ACYP2: variants seen among roughly 807,000 people sequenced by gnomAD.
ACYP2 encodes acylphosphatase-2.
A neutral mutation model predicts 11.2 loss-of-function variants in ACYP2; 12 were observed. The ratio of observed to expected loss-of-function variants is 1.08; its 90% CI spans 0.69 to 1.74. The LOEUF is 1.74. Ranked by LOEUF, ACYP2 falls within the 40% of genes most tolerant of loss-of-function variation. The pLI is 0.00. For synonymous variants in ACYP2, 43 were observed against 32.2 expected, an observed-to-expected ratio of 1.33 and a Z score of -1.13; for missense variants, 134 against 101.9, an observed-to-expected ratio of 1.31 and a Z score of -1.35.
At chr2:54,029,495 C>T in intron 2 of ACYP2, 1 of 371,224 alleles carries the variant, frequency 2.7e-6, no homozygotes, top group Non-Finnish European at 5.2e-6. Flanking sequence ...TGCATGAATT[C>T]ATAGGGAAGT....
intron 6 of ACYP2, among the ~76,000 whole-genome samples, chr2:54,288,427 G>T (rs1689169721): frequency 6.6e-6 from 1 of 151,920 alleles, no homozygotes; most frequent in Admixed American, 6.5e-5. Flanking sequence ...AGTGCTTCCT[G>T]GGGAAAAGGA....
At chr2:54,113,732 G>C (rs529515953) in intron 4 of ACYP2, among the ~76,000 whole-genome samples, 1 of 152,266 alleles carries the variant, frequency 6.6e-6, no homozygotes, top group South Asian at 2.1e-4. Flanking sequence ...AGGCATTCCA[G>C]ATAGAGTAGA....
At chr2:54,242,941 T>G (rs577501380) in intron 6 of ACYP2, among the ~76,000 whole-genome samples, 3 of 152,222 alleles carry the variant, frequency 2.0e-5, no homozygotes, top group Non-Finnish European at 4.4e-5. Context: ...TTAGCACCCT[T>G]TAGCAAACTC....
chr2:54,169,103 C>A (rs1199021771), intron 6 of ACYP2, among the ~76,000 whole-genome samples: 1 of 152,182 alleles, frequency 6.6e-6, no homozygotes, highest in Non-Finnish European at 1.5e-5. Flanking sequence ...GTATGTTAGA[C>A]TTATCGCTTA....
At chr2:53,983,514 AAAG>A (rs1671867856) in intron 2 of ACYP2, among the ~76,000 whole-genome samples, 1 of 152,178 alleles carries the variant, frequency 6.6e-6, no homozygotes, top group Non-Finnish European at 1.5e-5. Context: ...TCAAAAAAGA[AAAG>A]AAAACAGTAC....
At chr2:53,976,069 A>G (rs1381553974) in intron 2 of ACYP2, among the ~76,000 whole-genome samples, 1 of 152,210 alleles carries the variant, frequency 6.6e-6, no homozygotes, top group Non-Finnish European at 1.5e-5. Context: ...TGGAACACTA[A>G]TTAATCACTT....
At chr2:54,219,881 G>GTATATA (rs869248101) in intron 6 of ACYP2, among the ~76,000 whole-genome samples, 1 of 99,472 alleles carries the variant, frequency 1.0e-5, no homozygotes, top group Non-Finnish European at 1.9e-5. Context: ...GTGTGTGTGT[G>GTATATA]TATATATATA....
chr2:54,107,681 T>G (rs2103712471), intron 4 of ACYP2, among the ~76,000 whole-genome samples: 1 of 152,332 alleles, frequency 6.6e-6, no homozygotes, highest in Non-Finnish European at 1.5e-5. Flanking sequence ...AATCTGAGCT[T>G]CGTATCACAA....
At chr2:54,048,373 T>G (rs1416620573) in intron 2 of ACYP2, among the ~76,000 whole-genome samples, 1 of 151,980 alleles carries the variant, frequency 6.6e-6, no homozygotes, top group Non-Finnish European at 1.5e-5. Flanking sequence ...GTGCAGTGAG[T>G]GGTGATTGTG....
At chr2:54,010,700 C>T (rs1673312804) in intron 2 of ACYP2, among the ~76,000 whole-genome samples, 1 of 148,646 alleles carries the variant, frequency 6.7e-6, no homozygotes, top group Non-Finnish European at 1.5e-5. Flanking sequence ...TATAATCTCT[C>T]TCCTTCCTCC....
At chr2:54,006,378 C>T (rs1050387678) in intron 2 of ACYP2, among the ~76,000 whole-genome samples, 1 of 152,030 alleles carries the variant, frequency 6.6e-6, no homozygotes, top group African/African-American at 2.4e-5. Context: ...AACTCCTGAC[C>T]TCAGGTGATC....
intron 2 of ACYP2, among the ~76,000 whole-genome samples, chr2:53,983,026 G>A (rs920722824): frequency 3.9e-5 from 6 of 152,152 alleles, no homozygotes; most frequent in African/African-American, 1.4e-4. Context: ...CAGCCAGACA[G>A]TAAACAACTC....
At chr2:54,213,873 T>A (rs1685441864) in intron 6 of ACYP2, among the ~76,000 whole-genome samples, 1 of 151,798 alleles carries the variant, frequency 6.6e-6, no homozygotes. Flanking sequence ...GCCCAAGCGA[T>A]CCTCCTGCCT....
chr2:54,265,882 G>T (rs1687995098), intron 6 of ACYP2, among the ~76,000 whole-genome samples: 2 of 152,148 alleles, frequency 1.3e-5, no homozygotes, highest in Admixed American at 1.3e-4. Flanking sequence ...TTAAGTATTT[G>T]ATAAATATTG....
chr2:54,237,774 T>C (rs1364726130), intron 6 of ACYP2, among the ~76,000 whole-genome samples: 1 of 152,230 alleles, frequency 6.6e-6, no homozygotes, highest in African/African-American at 2.4e-5. Flanking sequence ...TCTACTTGAA[T>C]CTGTGCTTTT....
chr2:54,299,579 G>A (rs1405541150), intron 6 of ACYP2, among the ~76,000 whole-genome samples: 8 of 141,648 alleles, frequency 5.6e-5, no homozygotes, highest in African/African-American at 5.4e-5. Context: ...GCGACAGAGC[G>A]AGACTCTGTC....
intron 2 of ACYP2, among the ~76,000 whole-genome samples, chr2:54,047,952 C>A (rs1272666920): frequency 6.6e-6 from 1 of 152,178 alleles, no homozygotes; most frequent in Non-Finnish European, 1.5e-5. Context: ...GAAGTGAGTT[C>A]TTTCCCCCAG....
chr2:54,223,682 T>C (rs1685890421), intron 6 of ACYP2, among the ~76,000 whole-genome samples: 1 of 152,204 alleles, frequency 6.6e-6, no homozygotes, highest in South Asian at 2.1e-4. Flanking sequence ...TCAGAATTAT[T>C]TTCAGTGGGA....
intron 4 of ACYP2, chr2:54,084,886 A>G (rs1212968020): frequency 6.6e-6 from 1 of 152,122 alleles, no homozygotes; most frequent in Non-Finnish European, 1.5e-5. Context: ...AAATTTAAAT[A>G]TGGACCGTAT....
Sources: gnomAD v4.1 joint callset for allele counts (sites outside exome capture counted in the v4.1 genomes callset) on GRCh38, gnomAD v4.1.1 for gene constraint, MANE v1.5 for transcripts, NCBI Gene and HGNC (gene_info 2026-07-23, HGNC 2026-07-21) for gene names.